The following RHPN1 variants were observed in gnomAD, a reference collection of about 807,000 sequenced individuals.
RHPN1 encodes the protein rhophilin-1.
A neutral mutation model predicts 74.7 loss-of-function variants in RHPN1; 77 were observed. That is an observed-to-expected ratio of 1.03 (90% confidence interval 0.86 to 1.25). The LOEUF is 1.25. RHPN1 is among the 50% of genes most tolerant of loss of function. The pLI, the probability that RHPN1 is intolerant of heterozygous loss-of-function variation, is 0.00. For missense variants in RHPN1, 987 were observed against 932.2 expected (o/e 1.06, Z -0.77); for synonymous variants, 444 against 414.5 (o/e 1.07, Z -0.87).
intron 1 of RHPN1, among the ~76,000 whole-genome samples, chr8:143,370,619 C>T (rs945050687): frequency 6.6e-6 from 1 of 152,246 alleles, no homozygotes; most frequent in Non-Finnish European, 1.5e-5. Flanking sequence ...CCAGCAAGCG[C>T]TTACCTGGTG....
At chr8:143,365,898 G>A (rs1034382097), upstream of RHPN1, among the ~76,000 whole-genome samples, 3 of 151,938 alleles carry the variant, frequency 2.0e-5, no homozygotes, top group Non-Finnish European at 2.9e-5. Context: ...TTGGGAGACC[G>A]AGGTGGGAGG....
At chr8:143,379,158 G>A (rs904681482) in intron 7 of RHPN1, 80 bp downstream of exon 7, 2 of 1,414,126 alleles carry the variant, frequency 1.4e-6, no homozygotes, top group African/African-American at 2.9e-5. Context: ...CAGGAGCTGG[G>A]GAGTGGTTAG....
chr8:143,380,455 C>A (rs1818635282), intron 10 of RHPN1, 134 bp from the exon 11 acceptor site: 1 of 818,562 alleles, frequency 1.2e-6, no homozygotes, highest in Non-Finnish European at 1.8e-6. Context: ...GCCAGCTCCT[C>A]ACCCCCGTGG....
At chr8:143,376,054 C>T (rs993368807) in intron 2 of RHPN1, among the ~76,000 whole-genome samples, 3 of 152,240 alleles carry the variant, frequency 2.0e-5, no homozygotes, top group Non-Finnish European at 4.4e-5. Context: ...GAGCACACCG[C>T]CTGTGTGCCA....
chr8:143,379,784 C>G (rs1459584704), intron 8 of RHPN1, 45 bp from the exon 9 acceptor site: 1 of 1,570,028 alleles, frequency 6.4e-7, no homozygotes, highest in East Asian at 2.3e-5. Flanking sequence ...CAGGCACCAC[C>G]TGGAGAGTGG....
rs190718575 is a variant in RHPN1, at chr8:143,377,231, T to C, written c.306-149T>C. On this transcript the variant is annotated intron_variant, in intron 3 of 14. Transcript: ENST00000289013. ...AGGACGGTGGGGGGTGGTGCACAGG[T>C]GCAAGGATGCCCCCCAGGACACAGG... 4.4e-4 allele frequency: 270 copies of C among 616,422 alleles called. 1 individual carries two copies. The highest frequency in any genetic ancestry group is 4.0e-3 in the East Asian group (143 of 35,810). The allele number at this position is 616,422 out of a possible 1,614,324, so 38.2% of individuals were successfully genotyped here. A position where few individuals can be genotyped will look rare whatever the true frequency, so the allele number is the denominator to read the frequency against.
rs374955468 is a variant in RHPN1 at position 143,375,569 on chromosome 8, C to T, written c.77C>T (p.Thr26Met). The T allele has an allele frequency of 2.0e-5, 32 of 1,600,510 alleles. 1 individual carries two copies. In the East Asian group the frequency reaches 2.9e-4, roughly 15 times the overall value. ...TCCCTGCAGGGCTGTGACTCCCTGA[C>T]GCAGATCCAGTGCGGCCAGCTGCAG... Reference protein sequence around the residue: ...SPRLQGCDSLTQIQCGQLQSR... With the variant: ...SPRLQGCDSLMQIQCGQLQSR... The change falls in exon 2 of 15, where the codon ACG (threonine) becomes ATG (methionine). Residue 26 changes from threonine (T) to methionine (M), a missense_variant. By Grantham distance (81) the Thr-to-Met change is moderately conservative. Transcript: ENST00000289013.
chr8:143,380,506 C>T, intron 10 of RHPN1, 83 bp from the exon 11 acceptor site: 2 of 1,291,686 alleles, frequency 1.5e-6, no homozygotes, highest in Non-Finnish European at 2.1e-6. Context: ...AGCCCCACAG[C>T]CCTGGCGTTG....
At chr8:143,375,031 G>C (rs1293836528) in intron 1 of RHPN1, among the ~76,000 whole-genome samples, 3 of 152,232 alleles carry the variant, frequency 2.0e-5, no homozygotes, top group African/African-American at 7.2e-5. Flanking sequence ...TCGGGGGCCA[G>C]TGGCCGCCCC....
At chr8:143,378,885 T>C in intron 6 of RHPN1, 27 bp from the exon 7 acceptor site, 2 of 1,580,074 alleles carry the variant, frequency 1.3e-6, no homozygotes, top group Non-Finnish European at 1.7e-6. Flanking sequence ...CCGTGGGAAC[T>C]CCACCCAGCC....
intron 14 of RHPN1, among the ~76,000 whole-genome samples, 194 bp downstream of exon 14, chr8:143,382,162 T>C (rs537955541): frequency 2.0e-5 from 3 of 152,196 alleles, no homozygotes; most frequent in Non-Finnish European, 4.4e-5. Flanking sequence ...ACCCCGAGGA[T>C]GCTGCAGCCC....
In RHPN1 at chr8:143,379,823, C is replaced by A; in HGVS notation, c.946-6C>A. ...GCCCTCGCGTGCCTGCCACATCCACCGGCAGGTGGCAGCCGAGTACAGGCT... is the reference window on the plus strand; with the variant it reads ...GCCCTCGCGTGCCTGCCACATCCACAGGCAGGTGGCAGCCGAGTACAGGCT... On this transcript the variant is annotated splice_region_variant and splice_polypyrimidine_tract_variant and intron_variant, in intron 8 of 14. Coordinates refer to ENST00000289013, the MANE Select transcript of RHPN1 (RefSeq NM_052924.3). The A allele has an allele frequency of 6.2e-7, 1 of 1,605,090 alleles. No homozygotes were observed. The highest frequency in any genetic ancestry group is 8.5e-7 in the Non-Finnish European group (1 of 1,176,022).
chr8:143,378,192 C>T (rs913799592), intron 4 of RHPN1, 77 bp from the exon 5 acceptor site: 18 of 1,239,326 alleles, frequency 1.5e-5, no homozygotes, highest in Admixed American at 6.0e-5. Flanking sequence ...AGTCTTTTCC[C>T]AAGGTGGGTT....
intron 3 of RHPN1, among the ~76,000 whole-genome samples, chr8:143,377,057 TGTGCGC>T (rs1288805070): frequency 8.3e-4 from 23 of 27,588 alleles, no homozygotes; most frequent in Middle Eastern, 9.6e-3. Flanking sequence ...TGTGTCTGTG[TGTGCGC>T]GTGTGTGTGT....
At chr8:143,381,388 G>T (rs1818718179) in intron 12 of RHPN1, 44 bp downstream of exon 12, 1 of 1,557,970 alleles carries the variant, frequency 6.4e-7, no homozygotes, top group Admixed American at 1.8e-5. Flanking sequence ...TGGGCAGCTT[G>T]GGCTGTGTGG....
At position 143,382,510 on chromosome 8, in the gene RHPN1, G is replaced by A. The variant is rs779158529; in HGVS notation, c.1872G>A (p.Pro624=). The A allele has an allele frequency of 2.9e-5, 47 of 1,608,742 alleles. No individual in the cohort carries two copies. The highest frequency in any genetic ancestry group is 6.6e-5 in the South Asian group (6 of 90,346). ...RSQREHGCKT[P]ASTWASPRPL... is the part of the protein sequence containing the mutation. ...AGAGGGAGCATGGTTGCAAGACCCC[G>A]GCATCCACGTGGGCCAGTCCCCGGC... The change falls in exon 15 of 15, where the codon CCG becomes CCA. Residue 624 remains proline, a synonymous_variant. Coordinates refer to ENST00000289013, the MANE Select transcript of RHPN1 (RefSeq NM_052924.3).
chr8:143,368,901 T>A lies in RHPN1; in HGVS notation c.-87T>A. The A allele has an allele frequency of 9.7e-7, 1 of 1,032,328 alleles. No homozygotes were observed. The highest frequency in any genetic ancestry group is 3.5e-5 in the East Asian group (1 of 28,672). The allele number at this position is 1,032,328 out of a possible 1,614,324, so 63.9% of individuals were successfully genotyped here. A position where few individuals can be genotyped will look rare whatever the true frequency, so the allele number is the denominator to read the frequency against. On this transcript the variant is annotated 5_prime_UTR_variant, in exon 1 of 15. Transcript: ENST00000289013. ...ACTCAGGAGCCCGCGGCCCAGGTGG[T>A]GCGGGCGGCCCTAGCCCGGCTGCGG...
chr8:143,370,867 C>T (rs552997216), intron 1 of RHPN1, among the ~76,000 whole-genome samples: 16 of 152,302 alleles, frequency 1.1e-4, no homozygotes, highest in African/African-American at 3.1e-4. Flanking sequence ...TCTGTGGTTT[C>T]CTGGGGAGGC....
At chr8:143,375,036 C>T (rs931908662) in intron 1 of RHPN1, among the ~76,000 whole-genome samples, 16 of 152,274 alleles carry the variant, frequency 1.1e-4, no homozygotes, top group South Asian at 1.0e-3. Context: ...GGCCAGTGGC[C>T]GCCCCCAGAG....
Sources: allele counts gnomAD v4.1 joint callset (sites outside exome capture counted in the v4.1 genomes callset), GRCh38; gene constraint gnomAD v4.1.1; transcripts MANE v1.5; gene names NCBI Gene and HGNC (gene_info 2026-07-23, HGNC 2026-07-21).